The following PLEKHG3 variants were observed in gnomAD, a reference collection of about 807,000 sequenced individuals.
PLEKHG3 encodes the protein pleckstrin homology domain-containing family G member 3.
In PLEKHG3, 62 loss-of-function variants were observed where a neutral mutation model predicts 94.9. The observed-to-expected ratio is 0.65, with a 90% CI of 0.53 to 0.81. The LOEUF (loss-of-function observed/expected upper bound fraction) is 0.81, where lower values mean the gene tolerates loss of function less well. Among genes scored for constraint, PLEKHG3 ranks in the 30% least tolerant of loss-of-function variants. The pLI is 0.00. For missense variants in PLEKHG3, 1,461 were observed against 1,619.3 expected (o/e 0.90, Z 1.68); for synonymous variants, 614 against 654.0 (o/e 0.94, Z 0.93).
chr14:64,731,637 C>G lies in PLEKHG3; in HGVS notation c.1033-77C>G. 1 of 1,514,738 alleles carries G rather than the reference C, an allele frequency of 6.6e-7. No individual in the cohort carries two copies. Among genetic ancestry groups the G allele is most frequent in the Non-Finnish European group, 9.2e-7 (1 of 1,089,900 alleles). 93.8% of individuals were successfully genotyped at this position (1,514,738 alleles called of 1,614,324 possible). On this transcript the variant is annotated intron_variant, in intron 8 of 16. Transcript: ENST00000247226. This position sits in a 1 kb window ranked among gnomAD's most constrained non-coding sequence, Gnocchi z 6.1. ...TGTCTGCTTCTTGGGGCTCCAGCACCACCCTTCTGAGATCACCCTCCCTGC... is the reference window on the plus strand; with the variant it reads ...TGTCTGCTTCTTGGGGCTCCAGCACGACCCTTCTGAGATCACCCTCCCTGC...
Position 64,716,457 on chromosome 14 carries a change from CACACACACAACA to C in PLEKHG3, c.-39-11135_-39-11124del, listed in dbSNP as rs1566693819. 3.1e-5 allele frequency among the ~76,000 whole-genome samples: 4 copies of C among 129,742 alleles called. No homozygotes were observed. Among genetic ancestry groups the C allele is most frequent in the African/African-American group, 1.2e-4 (4 of 32,126 alleles). The allele number at this position is 129,742 out of a possible 152,430, so 85.1% of individuals were successfully genotyped here. ...CCCTACACACACACACACACACACACACACACACAACACACACACACACAACACACACACACA... is the reference window on the plus strand; with the variant it reads ...CCCTACACACACACACACACACACACCACACACACACAACACACACACACA... On this transcript the variant is annotated intron_variant, in intron 1 of 16. Transcript: ENST00000247226. The surrounding 1 kb of genome is among the most constrained non-coding windows in gnomAD (Gnocchi z 5.0).
chr14:64,705,524 T>C (rs2080957208), intron 1 of PLEKHG3, among the ~76,000 whole-genome samples: 1 of 152,130 alleles, frequency 6.6e-6, no homozygotes, highest in African/African-American at 2.4e-5. Flanking sequence ...TGTTGGCATA[T>C]GTAGGTGCCT....
intron 1 of PLEKHG3, among the ~76,000 whole-genome samples, chr14:64,705,269 T>C (rs557963092): frequency 4.6e-5 from 7 of 152,344 alleles, no homozygotes; most frequent in Non-Finnish European, 1.0e-4. Flanking sequence ...CGTCCACTCC[T>C]GAAGTCGGTT....
At chr14:64,713,231 C>A (rs1262531422) in intron 1 of PLEKHG3, among the ~76,000 whole-genome samples, 1 of 152,144 alleles carries the variant, frequency 6.6e-6, no homozygotes, top group African/African-American at 2.4e-5. Context: ...TGTCTATATT[C>A]ATAAGGAATG....
At position 64,744,481 on chromosome 14, in the gene PLEKHG3, C is replaced by T. The variant is rs1010840977; in HGVS notation, c.*778C>T. Reference sequence around the variant, plus strand: ...TCACTTGGGCTTATGAAACATAAGGCACCCGGGTACTGGTGGGGGAGGTGG... The same window carrying T: ...TCACTTGGGCTTATGAAACATAAGGTACCCGGGTACTGGTGGGGGAGGTGG... On this transcript the variant is annotated 3_prime_UTR_variant, in exon 17 of 17. Transcript: ENST00000247226. 1 of 152,334 alleles carries T rather than the reference C, an allele frequency of 6.6e-6. No homozygotes were observed. The highest frequency in any genetic ancestry group is 1.5e-5 in the Non-Finnish European group (1 of 68,030). The allele number at this position is 152,334 out of a possible 1,614,324, so 9.4% of individuals were successfully genotyped here.
rs1227596573 is a variant in PLEKHG3, at chr14:64,739,273, T to C, written c.1518+418T>C. 1.3e-5 allele frequency among the ~76,000 whole-genome samples: 2 copies of C among 152,172 alleles called. No individual in the cohort carries two copies. The highest frequency in any genetic ancestry group is 2.4e-5 in the African/African-American group (1 of 41,440). On this transcript the variant is annotated intron_variant, in intron 15 of 16. Transcript: ENST00000247226. The surrounding 1 kb of genome is among the most constrained non-coding windows in gnomAD (Gnocchi z 4.1). ...ATCTGTTGGACACCTCCTCTGTAAC[T>C]GATGTGTTATTTCTTCCTACTCTTC...
chr14:64,729,998 C>T (rs2081428818), intron 3 of PLEKHG3, among the ~76,000 whole-genome samples: 1 of 152,210 alleles, frequency 6.6e-6, no homozygotes, highest in Non-Finnish European at 1.5e-5. Flanking sequence ...ATGGGGGTCC[C>T]CTCTTCATCT....
At chr14:64,734,033 G>A (rs1368660616) in intron 12 of PLEKHG3, among the ~76,000 whole-genome samples, 1 of 152,162 alleles carries the variant, frequency 6.6e-6, no homozygotes, top group African/African-American at 2.4e-5. Flanking sequence ...AGATGTGTTG[G>A]GTTTTGATTG....
chr14:64,741,526 A>T lies in PLEKHG3; in HGVS notation c.2009A>T (p.Asp670Val). The T allele has an allele frequency of 6.2e-7, 1 of 1,612,934 alleles. No individual in the cohort carries two copies. The highest frequency in any genetic ancestry group is 8.5e-7 in the Non-Finnish European group (1 of 1,180,000). The change falls in exon 16 of 17, where the codon GAC becomes GTC. Residue 670 changes from aspartate to valine, a missense_variant. Asp to Val is a radical substitution (Grantham distance 152). Transcript: ENST00000247226. ...SLSCQLSPEV[D>V]ISVGVATEDS... ...AGCTGTCAGCTCTCCCCAGAAGTGG[A>T]CATCAGTGTGGGGGTGGCCACAGAG...
Position 64,749,956 on chromosome 14 carries a change from C to A in PLEKHG3, c.*6253C>A, listed in dbSNP as rs746047940. ...TGCCAAATCAAGCCATCAACCCGAG[C>A]TTTCAAAGGCCAGGAAGGCCTCACC... On this transcript the variant is annotated 3_prime_UTR_variant, in exon 17 of 17. Coordinates refer to ENST00000247226, the MANE Select transcript of PLEKHG3 (RefSeq NM_001308147.2). The surrounding 1 kb of genome is among the most constrained non-coding windows in gnomAD (Gnocchi z 4.7). The A allele has an allele frequency of 1.2e-6, 2 of 1,614,080 alleles. No individual in the cohort carries two copies. The highest frequency in any genetic ancestry group is 2.7e-5 in the African/African-American group (2 of 74,940).
chr14:64,716,506 C>CACACA lies in PLEKHG3; in HGVS notation c.-39-11086_-39-11082dup, dbSNP rs1322212594. 1.1e-3 allele frequency among the ~76,000 whole-genome samples: 143 copies of CACACA among 129,558 alleles called. No individual in the cohort carries two copies. The highest frequency in any genetic ancestry group is 3.8e-3 in the Middle Eastern group (1 of 260). The allele number at this position is 129,558 out of a possible 152,430, so 85.0% of individuals were successfully genotyped here. ...AACACACACACACACAACACACACACACACACACACACACACACACACACA... is the reference window on the plus strand; with the variant it reads ...AACACACACACACACAACACACACACACACAACACACACACACACACACACACACA... On this transcript the variant is annotated intron_variant, in intron 1 of 16. Coordinates refer to ENST00000247226, the MANE Select transcript of PLEKHG3 (RefSeq NM_001308147.2). This position sits in a 1 kb window ranked among gnomAD's most constrained non-coding sequence, Gnocchi z 5.0.
In PLEKHG3 at chr14:64,730,764, C is replaced by T; in HGVS notation, c.567-35C>T. 2 of 1,612,360 alleles carry T rather than the reference C, an allele frequency of 1.2e-6. No individual in the cohort carries two copies. The highest frequency in any genetic ancestry group is 2.7e-5 in the African/African-American group (2 of 75,012). ...CCCCCCACTTCCTCATCCAGGCCTT[C>T]CCCAGGTGGTGACTGGCCCTTCTCC... is the stretch of plus-strand genomic sequence containing the variant. On this transcript the variant is annotated intron_variant, in intron 5 of 16. Transcript: ENST00000247226. This position sits in a 1 kb window ranked among gnomAD's most constrained non-coding sequence, Gnocchi z 5.4.
intron 16 of PLEKHG3, 42 bp downstream of exon 16, chr14:64,742,497 G>T (rs184707450): frequency 1.4e-6 from 2 of 1,445,778 alleles, no homozygotes; most frequent in South Asian, 2.6e-5. Context: ...CAAGTCTAGG[G>T]ACTGAAGAGT....
chr14:64,720,154 G>T lies in PLEKHG3; in HGVS notation c.-39-7439G>T, dbSNP rs562813357. Among the ~76,000 whole-genome samples the T allele has an allele frequency of 2.6e-4, 39 of 152,314 alleles. No individual in the cohort carries two copies. Among genetic ancestry groups the T allele is most frequent in the Admixed American group, 1.8e-3 (28 of 15,304 alleles). ...GCAGATTGCTTTTCCTGGGACATTT[G>T]CAGGGAGACCAGATCATCACAGCCC... is the stretch of plus-strand genomic sequence containing the variant. On this transcript the variant is annotated intron_variant, in intron 1 of 16. Transcript: ENST00000247226. The surrounding 1 kb of genome is among the most constrained non-coding windows in gnomAD (Gnocchi z 4.1).
rs775460208 is a variant in PLEKHG3, at chr14:64,727,675, G to A, written c.44G>A (p.Arg15Gln). ...CTCCACCAGGATGGCAGCCAGGAGC[G>A]GCCGGTGAGCCTGACCTCTACCACC... ...TSLHQDGSQE[R>Q]PVSLTSTTSS... The change falls in exon 2 of 17, where the codon CGG becomes CAG. Residue 15 changes from arginine (R) to glutamine (Q), a missense_variant. By Grantham distance (43) the Arg-to-Gln change is conservative. Transcript: ENST00000247226. The surrounding 1 kb of genome is among the most constrained non-coding windows in gnomAD (Gnocchi z 6.0). The A allele has an allele frequency of 3.3e-5, 53 of 1,612,424 alleles. No individual in the cohort carries two copies. The highest frequency in any genetic ancestry group is 2.4e-4 in the South Asian group (22 of 91,046).
Position 64,728,928 on chromosome 14 carries a change from T to G in PLEKHG3, c.352-68T>G. 1 of 617,712 alleles carries G rather than the reference T, an allele frequency of 1.6e-6. No homozygotes were observed. Among genetic ancestry groups the G allele is most frequent in the Admixed American group, 2.6e-5 (1 of 38,948 alleles). The allele number at this position is 617,712 out of a possible 1,614,324, so 38.3% of individuals were successfully genotyped here. On this transcript the variant is annotated intron_variant, in intron 2 of 16. Coordinates refer to ENST00000247226, the MANE Select transcript of PLEKHG3 (RefSeq NM_001308147.2). This position sits in a 1 kb window ranked among gnomAD's most constrained non-coding sequence, Gnocchi z 5.9. ...GTGTTACAGCAGGGCCGAAACGAGG[T>G]GTGGCTAGGGAAGGTAGTGGGCAGG...
rs2080946641 is a variant in PLEKHG3 at position 64,704,855 on chromosome 14, G to C, written c.-40+151G>C. On this transcript the variant is annotated intron_variant, in intron 1 of 16. Coordinates refer to ENST00000247226, the MANE Select transcript of PLEKHG3 (RefSeq NM_001308147.2). The surrounding 1 kb of genome is among the most constrained non-coding windows in gnomAD (Gnocchi z 5.6). ...GGACCGGGGCGACCGAGGAGGGCCTGGAACTGTGTTGGCTGCTTCCCGGGC... is the reference window on the plus strand; with the variant it reads ...GGACCGGGGCGACCGAGGAGGGCCTCGAACTGTGTTGGCTGCTTCCCGGGC... Among the ~76,000 whole-genome samples, 1 of 152,254 alleles carries C rather than the reference G, an allele frequency of 6.6e-6. No individual in the cohort carries two copies. Among genetic ancestry groups the C allele is most frequent in the African/African-American group, 2.4e-5 (1 of 41,468 alleles).
Position 64,747,865 on chromosome 14 carries a change from C to T in PLEKHG3, c.*4162C>T, listed in dbSNP as rs2139409315. ...GACCTAACCCTAGTTTGATACTGGG[C>T]CAGAACTGTGTTGCTTTCGGAGTAG... is the stretch of plus-strand genomic sequence containing the variant. On this transcript the variant is annotated 3_prime_UTR_variant, in exon 17 of 17. Coordinates refer to ENST00000247226, the MANE Select transcript of PLEKHG3 (RefSeq NM_001308147.2). 7.2e-6 allele frequency: 1 copy of T among 138,604 alleles called. No individual in the cohort carries two copies. Among genetic ancestry groups the T allele is most frequent in the South Asian group, 2.5e-4 (1 of 3,994 alleles). 8.6% of individuals were successfully genotyped at this position (138,604 alleles called of 1,614,324 possible). A position where few individuals can be genotyped will look rare whatever the true frequency, so the allele number is the denominator to read the frequency against.
rs759634959 is a variant in PLEKHG3 at position 64,749,505 on chromosome 14, A to G, written c.*5802A>G. The G allele has an allele frequency of 3.3e-5, 52 of 1,597,640 alleles. No individual in the cohort carries two copies. The highest frequency in any genetic ancestry group is 4.2e-5 in the Non-Finnish European group (49 of 1,177,680). ...GGCGGAGGGTCACGGTGGAGTCTGGAGGCCCACAGCCCCCCACCTCCCGGG... is the reference window on the plus strand; with the variant it reads ...GGCGGAGGGTCACGGTGGAGTCTGGGGGCCCACAGCCCCCCACCTCCCGGG... On this transcript the variant is annotated 3_prime_UTR_variant, in exon 17 of 17. Coordinates refer to ENST00000247226, the MANE Select transcript of PLEKHG3 (RefSeq NM_001308147.2). The surrounding 1 kb of genome is among the most constrained non-coding windows in gnomAD (Gnocchi z 4.7).
Sources: gnomAD v4.1 joint callset for allele counts (sites outside exome capture counted in the v4.1 genomes callset) on GRCh38, gnomAD v4.1.1 for gene constraint, Gnocchi (gnomAD v3.1) non-coding constraint, MANE v1.5 for transcripts, NCBI Gene and HGNC (gene_info 2026-07-23, HGNC 2026-07-21) for gene names.